TANGO6: variants seen among roughly 807,000 people sequenced by gnomAD.
TANGO6 encodes transport and Golgi organization protein 6 homolog.
In TANGO6, 90 loss-of-function variants were observed where a neutral mutation model predicts 114.2. The ratio of observed to expected loss-of-function variants is 0.79; its 90% CI spans 0.66 to 0.94. The LOEUF (loss-of-function observed/expected upper bound fraction) is 0.94. Among genes scored for constraint, TANGO6 ranks in the 40% least tolerant of loss-of-function variants. The pLI, the probability that TANGO6 is intolerant of heterozygous loss-of-function variation, is 0.00. For missense variants in TANGO6, 1,274 were observed against 1,315.3 expected (o/e 0.97, Z 0.49); for synonymous variants, 477 against 509.8 (o/e 0.94, Z 0.87).
chr16:69,061,475 C>T (rs1960114232), intron 17 of TANGO6, among the ~76,000 whole-genome samples: 1 of 151,902 alleles, frequency 6.6e-6, no homozygotes, highest in Admixed American at 6.6e-5. Context: ...GAAAGCAGGA[C>T]CTGGGAGGCA....
intron 1 of TANGO6, among the ~76,000 whole-genome samples, chr16:68,855,826 C>A (rs112685271): frequency 0.11 from 16,528 of 150,078 alleles, 916 homozygotes; most frequent in Non-Finnish European, 0.13. Flanking sequence ...TGGAGGTTGC[C>A]GTGAGTTGAG....
intron 15 of TANGO6, among the ~76,000 whole-genome samples, chr16:68,990,054 G>A (rs908384788): frequency 5.3e-5 from 8 of 152,140 alleles, no homozygotes; most frequent in African/African-American, 1.7e-4. Context: ...CTCTGTGTGT[G>A]TGTGACTCTT....
chr16:69,027,509 C>T (rs1019020624), intron 16 of TANGO6, among the ~76,000 whole-genome samples: 15 of 151,846 alleles, frequency 9.9e-5, no homozygotes, highest in Non-Finnish European at 1.0e-4. Context: ...ATATGTGAAC[C>T]GTTAGGCATC....
At chr16:69,067,495 G>T (rs1172225515) in intron 17 of TANGO6, among the ~76,000 whole-genome samples, 1 of 116,164 alleles carries the variant, frequency 8.6e-6, no homozygotes. Context: ...TCCAGCCTAG[G>T]CAACAAGAGC....
At chr16:68,946,689 A>C (rs1963417974) in intron 14 of TANGO6, among the ~76,000 whole-genome samples, 1 of 152,110 alleles carries the variant, frequency 6.6e-6, no homozygotes, top group Non-Finnish European at 1.5e-5. Context: ...TCTTGTAGAG[A>C]CAAGATTTTG....
intron 15 of TANGO6, among the ~76,000 whole-genome samples, chr16:69,012,420 G>C (rs1379433931): frequency 6.6e-6 from 1 of 151,940 alleles, no homozygotes; most frequent in African/African-American, 2.4e-5. Context: ...GCCAGGCATG[G>C]TGGCGCATGC....
chr16:69,040,259 A>G (rs187450366), intron 16 of TANGO6, 49 bp from the exon 17 acceptor site: 5 of 1,483,130 alleles, frequency 3.4e-6, no homozygotes, highest in Non-Finnish European at 4.6e-6. Flanking sequence ...GTTATAGGTA[A>G]TTGTGCAACT....
intron 7 of TANGO6, among the ~76,000 whole-genome samples, chr16:68,882,870 T>G (rs558040319): frequency 1.3e-5 from 2 of 152,060 alleles, no homozygotes; most frequent in Admixed American, 1.3e-4. Context: ...TACAAAAAAT[T>G]AGCCGGACGT....
chr16:69,041,251 A>G (rs935246546), intron 17 of TANGO6, among the ~76,000 whole-genome samples: 43 of 152,110 alleles, frequency 2.8e-4, no homozygotes, highest in African/African-American at 9.9e-4. Context: ...GTTCGAGACC[A>G]GCCTGACCAA....
chr16:68,993,678 T>C (rs1471698802), intron 15 of TANGO6, among the ~76,000 whole-genome samples: 2 of 152,238 alleles, frequency 1.3e-5, no homozygotes, highest in Non-Finnish European at 2.9e-5. Flanking sequence ...GCTAACCAAC[T>C]CTTGGTCATG....
chr16:69,011,251 AG>A (rs34785494), intron 15 of TANGO6, among the ~76,000 whole-genome samples: 2 of 152,230 alleles, frequency 1.3e-5, no homozygotes, highest in South Asian at 2.1e-4. Context: ...CAAAAAGAAA[AG>A]GGGGGGCAGG....
chr16:69,019,827 C>T (rs540934375), intron 15 of TANGO6, among the ~76,000 whole-genome samples: 21 of 152,288 alleles, frequency 1.4e-4, no homozygotes, highest in Non-Finnish European at 2.4e-4. Flanking sequence ...CATGAGCCAC[C>T]GTGCCCAGCC....
At chr16:69,025,931 C>G (rs1170356971) in intron 16 of TANGO6, 2 of 220,408 alleles carry the variant, frequency 9.1e-6, no homozygotes, top group Non-Finnish European at 2.0e-5. Context: ...TCTTCTATTT[C>G]TAGTTAAAAA....
chr16:68,846,316 G>A (rs1961802820), intron 1 of TANGO6, among the ~76,000 whole-genome samples: 1 of 152,116 alleles, frequency 6.6e-6, no homozygotes, highest in South Asian at 2.1e-4. Flanking sequence ...ACAGGCGCGA[G>A]CCACCATGCC....
intron 11 of TANGO6, among the ~76,000 whole-genome samples, chr16:68,912,667 G>A (rs1052496041): frequency 1.3e-5 from 2 of 151,680 alleles, no homozygotes; most frequent in African/African-American, 4.8e-5. Context: ...TAAACAACAG[G>A]GAAGTTCATA....
intron 16 of TANGO6, among the ~76,000 whole-genome samples, chr16:69,030,351 G>A (rs1237952111): frequency 2.0e-5 from 3 of 151,950 alleles, no homozygotes; most frequent in Non-Finnish European, 4.4e-5. Context: ...GGTCAAGTTC[G>A]GGTATTGGCA....
intron 17 of TANGO6, among the ~76,000 whole-genome samples, chr16:69,060,505 A>G (rs1467601689): frequency 6.6e-6 from 1 of 151,868 alleles, no homozygotes; most frequent in Admixed American, 6.6e-5. Context: ...TGAGGCAAGA[A>G]GATCACATGA....
intron 14 of TANGO6, among the ~76,000 whole-genome samples, chr16:68,931,030 CTTTA>C (rs1176874700): frequency 6.6e-6 from 1 of 152,166 alleles, no homozygotes; most frequent in Admixed American, 6.5e-5. Context: ...TTTGCAGTAA[CTTTA>C]TTTCTCTTTT....
chr16:68,971,232 C>T (rs1451834699), intron 14 of TANGO6, among the ~76,000 whole-genome samples: 3 of 151,780 alleles, frequency 2.0e-5, no homozygotes, highest in African/African-American at 7.3e-5. Context: ...TGATATAACA[C>T]CTGCCAGAAT....
Sources: gnomAD v4.1 joint callset for allele counts (sites outside exome capture counted in the v4.1 genomes callset) on GRCh38, gnomAD v4.1.1 for gene constraint, MANE v1.5 for transcripts, NCBI Gene and HGNC (gene_info 2026-07-23, HGNC 2026-07-21) for gene names.